LAPTM4B: variants seen among roughly 807,000 people sequenced by gnomAD.
LAPTM4B encodes the protein lysosomal-associated transmembrane protein 4B.
In LAPTM4B, 26 loss-of-function variants were observed where a neutral mutation model predicts 28.5. The ratio of observed to expected loss-of-function variants is 0.91; its 90% confidence interval spans 0.67 to 1.27. The LOEUF (loss-of-function observed/expected upper bound fraction) is 1.27. Among genes scored for constraint, LAPTM4B ranks in the 50% most tolerant of loss-of-function variants. The probability of loss-of-function intolerance (pLI) is 0.00; values close to 1 mark genes in which losing one functional copy is unlikely to be tolerated. For synonymous variants in LAPTM4B, 109 were observed against 106.4 expected (o/e 1.02, Z -0.15); for missense variants, 288 against 285.8 (o/e 1.01, Z -0.06).
chr8:97,786,495 A>T (rs1458441049), intron 1 of LAPTM4B, among the ~76,000 whole-genome samples: 1 of 151,812 alleles, frequency 6.6e-6, no homozygotes, highest in African/African-American at 2.4e-5. Context: ...TGAGGTTCCG[A>T]GTTCGAGACC....
intron 1 of LAPTM4B, among the ~76,000 whole-genome samples, chr8:97,778,783 CCTT>C (rs540969076): frequency 1.1e-3 from 170 of 152,112 alleles, no homozygotes; most frequent in Middle Eastern, 6.8e-3. Context: ...AAATCTAGCC[CCTT>C]CTTTAGGGCC....
intron 2 of LAPTM4B, among the ~76,000 whole-genome samples, chr8:97,814,793 A>G (rs1816880004): frequency 6.6e-6 from 1 of 152,106 alleles, no homozygotes; most frequent in Non-Finnish European, 1.5e-5. Context: ...TCCCAGGTTC[A>G]TGCCATTCTT....
chr8:97,778,020 C>G (rs527559024), intron 1 of LAPTM4B, among the ~76,000 whole-genome samples: 1 of 152,210 alleles, frequency 6.6e-6, no homozygotes, highest in Non-Finnish European at 1.5e-5. Flanking sequence ...TACTTGAGCC[C>G]TGTTGGCTGT....
At chr8:97,829,847 C>A (rs1319194714) in intron 6 of LAPTM4B, among the ~76,000 whole-genome samples, 1 of 152,096 alleles carries the variant, frequency 6.6e-6, no homozygotes, top group Non-Finnish European at 1.5e-5. Context: ...TAGGCACGCA[C>A]CACCATTCCC....
At position 97,816,177 on chromosome 8, in the gene LAPTM4B, A is replaced by G. The variant is rs1475759412; in HGVS notation, c.405A>G (p.Gln135=). ...ACTCCATTCAGGAATACATACGGCA[A>G]CTGGTACGTGGACCTCTTACTGCTC... ...YPNSIQEYIR[Q]LPPNFPYRDD... The change falls in exon 4 of 7, where the codon CAA becomes CAG. Residue 135 remains glutamine, a synonymous_variant. Coordinates refer to ENST00000521545, the MANE Select transcript of LAPTM4B (RefSeq NM_018407.6). 6.2e-7 allele frequency: 1 copy of G among 1,611,108 alleles called. No individual in the cohort carries two copies. Among genetic ancestry groups the G allele is most frequent in the Non-Finnish European group, 8.5e-7 (1 of 1,179,288 alleles).
intron 6 of LAPTM4B, among the ~76,000 whole-genome samples, chr8:97,849,628 G>C (rs530606725): frequency 6.6e-6 from 1 of 152,246 alleles, no homozygotes; most frequent in Non-Finnish European, 1.5e-5. Context: ...CGACTCTGGC[G>C]CATTGCCTTT....
chr8:97,792,914 AT>A (rs1314159154), intron 1 of LAPTM4B, among the ~76,000 whole-genome samples: 4 of 152,140 alleles, frequency 2.6e-5, no homozygotes, highest in Admixed American at 1.3e-4. Flanking sequence ...ATACCCTAAA[AT>A]TGTTTGTGCT....
intron 1 of LAPTM4B, among the ~76,000 whole-genome samples, chr8:97,798,298 G>A (rs888009271): frequency 6.6e-6 from 1 of 152,034 alleles, no homozygotes; most frequent in Admixed American, 6.6e-5. Flanking sequence ...AGGTCCTCAT[G>A]GCTCCCCATT....
chr8:97,784,591 C>G (rs1172881902), intron 1 of LAPTM4B, among the ~76,000 whole-genome samples: 1 of 152,066 alleles, frequency 6.6e-6, no homozygotes, highest in African/African-American at 2.4e-5. Flanking sequence ...AGGCGCCCAC[C>G]ACCACACCCC....
At chr8:97,808,972 G>GAAAAAA (rs1563609729) in intron 2 of LAPTM4B, among the ~76,000 whole-genome samples, 16 of 149,566 alleles carry the variant, frequency 1.1e-4, no homozygotes, top group Non-Finnish European at 1.6e-4. Flanking sequence ...GAAAGAAAAA[G>GAAAAAA]AAAAAAGAAA....
chr8:97,823,265 G>A (rs7002011), intron 5 of LAPTM4B, among the ~76,000 whole-genome samples: 71,010 of 151,892 alleles, frequency 0.47, 16,918 homozygotes, highest in East Asian at 0.58. Flanking sequence ...TGTAGTAGGT[G>A]AATGCATGTG....
Position 97,825,832 on chromosome 8 carries a change from A to T in LAPTM4B, c.603+679A>T, listed in dbSNP as rs76560877. Among the ~76,000 whole-genome samples, 253 of 152,332 alleles carry T rather than the reference A, an allele frequency of 1.7e-3. 4 individuals are homozygous for T. The East Asian group carries it at 0.041, about 25-fold the overall frequency. ...GTCGTCACTGCCTGATGTAATGCAC[A>T]GTACCAGGAAGTGCTCCATGCATGG... On this transcript the variant is annotated intron_variant, in intron 6 of 6. Coordinates refer to ENST00000521545, the MANE Select transcript of LAPTM4B (RefSeq NM_018407.6).
intron 1 of LAPTM4B, among the ~76,000 whole-genome samples, chr8:97,786,750 CA>C (rs1816409921): frequency 6.6e-6 from 1 of 151,622 alleles, no homozygotes; most frequent in Admixed American, 6.6e-5. Context: ...ATTACACAGC[CA>C]GTTGGTTCCA....
chr8:97,835,033 G>C (rs902573436), intron 6 of LAPTM4B, among the ~76,000 whole-genome samples: 2 of 152,188 alleles, frequency 1.3e-5, no homozygotes, highest in Non-Finnish European at 2.9e-5. Context: ...ACTCTAATGG[G>C]GGTTGGAATG....
rs924873250 is a variant in LAPTM4B at position 97,784,091 on chromosome 8, T to G, written c.99+7983T>G. Among the ~76,000 whole-genome samples the G allele has an allele frequency of 9.9e-5, 15 of 152,182 alleles. 1 individual carries two copies. On this transcript the variant is annotated intron_variant, in intron 1 of 6. Transcript: ENST00000521545. ...GATAGTAAGACCAACATCCTGTATTTGTAGAGTGATTGATAGCTTTCGGTG... is the reference window on the plus strand; with the variant it reads ...GATAGTAAGACCAACATCCTGTATTGGTAGAGTGATTGATAGCTTTCGGTG...
intron 6 of LAPTM4B, among the ~76,000 whole-genome samples, chr8:97,845,182 G>A (rs534079867): frequency 6.6e-6 from 1 of 152,268 alleles, no homozygotes; most frequent in South Asian, 2.1e-4. Flanking sequence ...TCCTCCTCGT[G>A]TAGTTTCATC....
intron 1 of LAPTM4B, among the ~76,000 whole-genome samples, chr8:97,790,025 C>A (rs546743548): frequency 4.3e-4 from 65 of 152,314 alleles, no homozygotes; most frequent in African/African-American, 1.5e-3. Flanking sequence ...CCAGTTCCAT[C>A]CATGTTGTTG....
At chr8:97,786,270 C>T (rs192392787) in intron 1 of LAPTM4B, among the ~76,000 whole-genome samples, 102 of 152,192 alleles carry the variant, frequency 6.7e-4, no homozygotes, top group Admixed American at 6.1e-3. Flanking sequence ...TTGCTCCTAA[C>T]GTTTTAAGAG....
chr8:97,796,656 ACGTCCGGGCG>A (rs1816589381), intron 1 of LAPTM4B, among the ~76,000 whole-genome samples: 1 of 152,134 alleles, frequency 6.6e-6, no homozygotes, highest in South Asian at 2.1e-4. Context: ...ATGTCCGGGC[ACGTCCGGGCG>A]CAGTGACTCA....
Sources: allele counts gnomAD v4.1 joint callset (sites outside exome capture counted in the v4.1 genomes callset), GRCh38; gene constraint gnomAD v4.1.1; transcripts MANE v1.5; gene names NCBI Gene and HGNC (gene_info 2026-07-23, HGNC 2026-07-21).